SAMMSON: variants seen among roughly 807,000 people sequenced by gnomAD.
The protein encoded by SAMMSON is long intergenic non-protein coding RNA 1212.
At chr3:70,005,412 T>A (rs1018429395) in intron 1 of SAMMSON, among the ~76,000 whole-genome samples, 1 of 152,202 alleles carries the variant, frequency 6.6e-6, no homozygotes. Flanking sequence ...TTGTCCCACA[T>A]TGCATCTCTG....
At chr3:70,208,871 G>A (rs555589638) in intron 4 of SAMMSON, among the ~76,000 whole-genome samples, 53 of 152,034 alleles carry the variant, frequency 3.5e-4, no homozygotes, top group African/African-American at 1.2e-3. Flanking sequence ...TTATGTGCTG[G>A]CTTTAAATTT....
intron 4 of SAMMSON, among the ~76,000 whole-genome samples, chr3:70,149,790 G>T (rs977130626): frequency 6.6e-6 from 1 of 152,050 alleles, no homozygotes; most frequent in Non-Finnish European, 1.5e-5. Flanking sequence ...AGGCATCAGA[G>T]AAATCAAAAT....
At chr3:70,155,485 A>G (rs956450822) in intron 4 of SAMMSON, among the ~76,000 whole-genome samples, 1 of 152,022 alleles carries the variant, frequency 6.6e-6, no homozygotes, top group African/African-American at 2.4e-5. Context: ...CTCAAACAGT[A>G]CCTGTCTGGG....
At chr3:70,273,222 C>T (rs927669926) in intron 6 of SAMMSON, among the ~76,000 whole-genome samples, 1 of 152,136 alleles carries the variant, frequency 6.6e-6, no homozygotes, top group Non-Finnish European at 1.5e-5. Context: ...GAATGTTTGT[C>T]CCCAGAGATG....
intron 2 of SAMMSON, among the ~76,000 whole-genome samples, chr3:70,397,343 C>T (rs72947199): frequency 0.054 from 8,155 of 152,112 alleles, 281 homozygotes; most frequent in African/African-American, 0.1. Context: ...CTCACTTCAT[C>T]ACCCAGGCTG....
rs146769962 is a variant in SAMMSON, at chr3:70,299,661, C to T, written n.739+8418C>T. Among the ~76,000 whole-genome samples the T allele has an allele frequency of 1.2e-3, 190 of 152,238 alleles. 1 individual carries two copies. The highest frequency in any genetic ancestry group is 4.4e-3 in the African/African-American group (184 of 41,548). ...CTCAAATTCGGAATTCATGCCTTCT[C>T]ATTTGTGGATGCAACAAGCTTCTAA... On this transcript the variant is annotated intron_variant and non_coding_transcript_variant, in intron 7 of 9. Transcript: ENST00000642114.
intron 7 of SAMMSON, among the ~76,000 whole-genome samples, chr3:70,335,447 A>G (rs1268892098): frequency 6.6e-6 from 1 of 152,030 alleles, no homozygotes. Context: ...TTTCATAAAA[A>G]TTTTATCTAA....
At chr3:70,323,667 G>C (rs1055191435) in intron 7 of SAMMSON, among the ~76,000 whole-genome samples, 2 of 152,172 alleles carry the variant, frequency 1.3e-5, no homozygotes, top group African/African-American at 4.8e-5. Flanking sequence ...AAAGACAAAT[G>C]TGACAGCTGC....
intron 3 of SAMMSON, among the ~76,000 whole-genome samples, chr3:70,017,924 G>A (rs563233387): frequency 1.1e-4 from 17 of 152,252 alleles, no homozygotes; most frequent in African/African-American, 4.1e-4. Context: ...TTGCATCCCA[G>A]GGATGAAGCC....
intron 4 of SAMMSON, among the ~76,000 whole-genome samples, chr3:70,089,639 C>T (rs191014876): frequency 2.6e-5 from 4 of 152,056 alleles, no homozygotes; most frequent in Non-Finnish European, 4.4e-5. Context: ...TGGGAAAATG[C>T]GTGTCAGAAC....
At chr3:70,397,847 G>A (rs988187579) in intron 2 of SAMMSON, among the ~76,000 whole-genome samples, 1 of 152,130 alleles carries the variant, frequency 6.6e-6, no homozygotes, top group African/African-American at 2.4e-5. Context: ...TGATATATTA[G>A]ACAAACTATA....
chr3:70,295,211 A>C (rs1268552516), intron 7 of SAMMSON, among the ~76,000 whole-genome samples: 1 of 152,164 alleles, frequency 6.6e-6, no homozygotes, highest in Non-Finnish European at 1.5e-5. Flanking sequence ...GAGATTGCTT[A>C]AGAAGAATGG....
intron 2 of SAMMSON, among the ~76,000 whole-genome samples, chr3:70,431,465 CTAAAAG>C (rs1318632856): frequency 1.3e-5 from 2 of 151,702 alleles, no homozygotes; most frequent in African/African-American, 4.8e-5. Flanking sequence ...ATAGGAATCT[CTAAAAG>C]TAATAGAAAT....
chr3:70,206,128 T>A (rs1335000612), intron 4 of SAMMSON, among the ~76,000 whole-genome samples: 3 of 152,088 alleles, frequency 2.0e-5, no homozygotes, highest in African/African-American at 7.2e-5. Context: ...GATTGCTTAA[T>A]CTCATAGATT....
intron 3 of SAMMSON, among the ~76,000 whole-genome samples, chr3:70,032,640 T>G (rs1340587769): frequency 6.6e-6 from 1 of 152,216 alleles, no homozygotes; most frequent in Admixed American, 6.5e-5. Flanking sequence ...ATGTGGAGTT[T>G]GATGGTTAGT....
chr3:70,010,292 C>A (rs1190240424), intron 1 of SAMMSON, among the ~76,000 whole-genome samples: 7 of 152,064 alleles, frequency 4.6e-5, no homozygotes, highest in Non-Finnish European at 1.5e-5. Context: ...TTCTAGATCT[C>A]TAAGAACTTG....
chr3:70,281,830 A>T (rs1559553011), intron 6 of SAMMSON, among the ~76,000 whole-genome samples: 1 of 152,308 alleles, frequency 6.6e-6, no homozygotes, highest in East Asian at 1.9e-4. Flanking sequence ...CTTGTTTACA[A>T]TGCAAATTCT....
At position 70,000,314 on chromosome 3, in the gene SAMMSON, C is replaced by T. The variant is rs536850598; in HGVS notation, n.22+447C>T. Among the ~76,000 whole-genome samples, 9 of 152,332 alleles carry T rather than the reference C, an allele frequency of 5.9e-5. No homozygotes were observed. The East Asian group carries it at 1.7e-3, about 29-fold the overall frequency. On this transcript the variant is annotated intron_variant and non_coding_transcript_variant, in intron 1 of 9. Transcript: ENST00000642114. ...GGCGCTGAAGAAACGAGCCACACTC[C>T]CATCACACGCCCTGAGAGGAGGACA...
chr3:70,017,483 G>T (rs1442541120), intron 3 of SAMMSON, among the ~76,000 whole-genome samples: 3 of 152,026 alleles, frequency 2.0e-5, no homozygotes, highest in African/African-American at 7.3e-5. Flanking sequence ...GAGATTTTGG[G>T]CTGAGACGAT....
Sources: allele counts gnomAD v4.1 joint callset (sites outside exome capture counted in the v4.1 genomes callset), GRCh38; gene constraint gnomAD v4.1.1; transcripts MANE v1.5; gene names NCBI Gene and HGNC (gene_info 2026-07-23, HGNC 2026-07-21).